CHID1: variants seen among roughly 807,000 people sequenced by gnomAD.
CHID1 encodes the protein chitinase domain containing 1.
In CHID1, 44 loss-of-function variants were observed where a neutral mutation model predicts 55.4. The observed-to-expected ratio is 0.79, with a 90% confidence interval of 0.62 to 1.02. The LOEUF is 1.02. CHID1 is among the 50% of genes least tolerant of loss of function. CHID1 has a pLI of 0.00. For missense variants in CHID1, 491 were observed against 515.3 expected, an observed-to-expected ratio of 0.95 and a Z score of 0.46; for synonymous variants, 216 against 212.9, an observed-to-expected ratio of 1.01 and a Z score of -0.13.
chr11:905,144 C>T (rs112041538), intron 1 of CHID1, among the ~76,000 whole-genome samples: 92 of 152,336 alleles, frequency 6.0e-4, no homozygotes, highest in African/African-American at 2.1e-3. Context: ...AGCCCAAGGC[C>T]GCCCTGACCA....
chr11:876,446 C>G (rs1016071161), intron 10 of CHID1, among the ~76,000 whole-genome samples: 2 of 152,144 alleles, frequency 1.3e-5, no homozygotes, highest in Non-Finnish European at 2.9e-5. Flanking sequence ...CAAGGAGCTG[C>G]GAACACGGCC....
chr11:909,288 G>A (rs904753605), intron 1 of CHID1, among the ~76,000 whole-genome samples: 3 of 152,196 alleles, frequency 2.0e-5, no homozygotes, highest in South Asian at 4.1e-4. Context: ...GCATCAAACC[G>A]TTTCTTCCCC....
At chr11:898,653 G>A (rs1405341697) in intron 7 of CHID1, among the ~76,000 whole-genome samples, 1 of 152,228 alleles carries the variant, frequency 6.6e-6, no homozygotes, top group Non-Finnish European at 1.5e-5. Flanking sequence ...CAGGACCAAG[G>A]AAGGGCCATT....
At chr11:905,339 G>A (rs1349060709) in intron 1 of CHID1, among the ~76,000 whole-genome samples, 1 of 152,216 alleles carries the variant, frequency 6.6e-6, no homozygotes, top group Non-Finnish European at 1.5e-5. Flanking sequence ...AGGAGTTCGA[G>A]ACCAGCCTGA....
chr11:896,300 C>G (rs11603874), intron 7 of CHID1, among the ~76,000 whole-genome samples: 14,434 of 121,276 alleles, frequency 0.12, 1,208 homozygotes, highest in Non-Finnish European at 0.16. Context: ...CCAGACACAA[C>G]GAGGCTGTCT....
At chr11:890,140 C>T (rs1465149845) in intron 8 of CHID1, among the ~76,000 whole-genome samples, 1 of 152,260 alleles carries the variant, frequency 6.6e-6, no homozygotes, top group African/African-American at 2.4e-5. Flanking sequence ...CGCTCCCTGA[C>T]TGGCCGGTTA....
chr11:891,954 A>C (rs962950171), intron 8 of CHID1, among the ~76,000 whole-genome samples: 9 of 151,568 alleles, frequency 5.9e-5, no homozygotes, highest in Non-Finnish European at 8.8e-5. Context: ...AAAAAAAAAA[A>C]AAAAAACACA....
intron 8 of CHID1, among the ~76,000 whole-genome samples, chr11:891,373 C>T (rs1850806743): frequency 6.6e-6 from 1 of 152,210 alleles, no homozygotes; most frequent in Admixed American, 6.5e-5. Flanking sequence ...ACAGCTGCAA[C>T]CCCCACCAGC....
chr11:871,804 A>C (rs1363197084), intron 10 of CHID1, among the ~76,000 whole-genome samples: 2 of 133,564 alleles, frequency 1.5e-5, no homozygotes, highest in Admixed American at 1.6e-4. Context: ...GGGTTTATCC[A>C]AGTGAGAAAT....
Position 903,009 on chromosome 11 carries a change from C to A in CHID1, c.214G>T (p.Ala72Ser). Residue 72 changes from alanine to serine, a missense_variant, in exon 3 of 13, where the codon GCC becomes TCC. Physicochemically the swap from Ala to Ser is moderately conservative, Grantham distance 99 (BLOSUM62 1). Transcript: ENST00000323578. ...TCCCCAGCAAAGTGTCTGTCCCGGG[C>A]CTTTGCCGAGCAGTAGCTGCGATGC... ...LEHRSYCSAKARDRHFAGDVL... is the reference protein window; with the variant it reads ...LEHRSYCSAKSRDRHFAGDVL... The A allele has an allele frequency of 1.9e-6, 3 of 1,614,012 alleles. No homozygotes were observed. The highest frequency in any genetic ancestry group is 4.5e-5 in the East Asian group (2 of 44,894).
chr11:910,555 A>C (rs1852594108), intron 1 of CHID1: 3 of 965,162 alleles, frequency 3.1e-6, no homozygotes, highest in South Asian at 2.5e-5. Context: ...GCTCTCGCTC[A>C]CCCTCGCTCT....
At chr11:891,001 G>A (rs1356942691) in intron 8 of CHID1, among the ~76,000 whole-genome samples, 3 of 152,222 alleles carry the variant, frequency 2.0e-5, no homozygotes, top group Non-Finnish European at 4.4e-5. Flanking sequence ...TGGGAGGTGA[G>A]TGACAAGCAC....
Position 890,013 on chromosome 11 carries a change from C to T in CHID1, c.701+3414G>A, listed in dbSNP as rs912216926. Among the ~76,000 whole-genome samples the T allele has an allele frequency of 5.3e-5, 8 of 151,850 alleles. No homozygotes were observed. In the Middle Eastern group the frequency reaches 0.01, roughly 194 times the overall value. ...CGATGGCTGCTCTACTGTTCTCAGC[C>T]TGCAGGCCTAGCCCGCTCCCCATGG... On this transcript the variant is annotated intron_variant, in intron 8 of 12. Transcript: ENST00000323578.
At chr11:887,784 T>C (rs1223236266) in intron 8 of CHID1, among the ~76,000 whole-genome samples, 1 of 151,666 alleles carries the variant, frequency 6.6e-6, no homozygotes, top group Non-Finnish European at 1.5e-5. Context: ...CTCCCCCACA[T>C]CCACGGTGCT....
At position 869,694 on chromosome 11, in the gene CHID1, A is replaced by AC. The variant is rs759798640; in HGVS notation, c.*163dup. 1 of 649,798 alleles carries AC rather than the reference A, an allele frequency of 1.5e-6. No individual in the cohort carries two copies. 40.3% of individuals were successfully genotyped at this position (649,798 alleles called of 1,614,324 possible). A position where few individuals can be genotyped will look rare whatever the true frequency, so the allele number is the denominator to read the frequency against. On this transcript the variant is annotated 3_prime_UTR_variant, in exon 13 of 13. Transcript: ENST00000323578. Reference sequence around the variant, plus strand: ...CAGCTAGGACTCATCCAGGGCAGGGACCCCTCATGGGAGGATGGGGAGTCA... The same window carrying AC: ...CAGCTAGGACTCATCCAGGGCAGGGACCCCCTCATGGGAGGATGGGGAGTCA...
intron 10 of CHID1, among the ~76,000 whole-genome samples, chr11:873,510 CCA>C (rs1425177549): frequency 6.6e-6 from 1 of 152,018 alleles, no homozygotes; most frequent in Non-Finnish European, 1.5e-5. Flanking sequence ...GAAGGAAGGG[CCA>C]CAGAGAGGGC....
At chr11:897,619 A>G (rs1204620120) in intron 7 of CHID1, among the ~76,000 whole-genome samples, 4 of 152,194 alleles carry the variant, frequency 2.6e-5, no homozygotes, top group African/African-American at 9.7e-5. Context: ...TGTGCAGACG[A>G]CAGGCTCCCC....
intron 3 of CHID1, 34 bp from the exon 4 acceptor site, chr11:902,364 G>C (rs773221673): frequency 1.1e-5 from 18 of 1,601,234 alleles, no homozygotes; most frequent in South Asian, 2.2e-5. Flanking sequence ...ACGGAGGACA[G>C]GTGAGTGAGC....
At chr11:883,351 A>G in intron 9 of CHID1, 48 bp from the exon 10 acceptor site, 1 of 1,568,422 alleles carries the variant, frequency 6.4e-7, no homozygotes, top group Non-Finnish European at 8.7e-7. Context: ...AGGGCCCCGC[A>G]CCTGAGCCAT....
Sources: gnomAD v4.1 joint callset for allele counts (sites outside exome capture counted in the v4.1 genomes callset) on GRCh38, gnomAD v4.1.1 for gene constraint, MANE v1.5 for transcripts, NCBI Gene and HGNC (gene_info 2026-07-23, HGNC 2026-07-21) for gene names.